Variants in SLC25A48 observed in about 807,000 individuals in gnomAD.
SLC25A48 encodes the protein solute carrier family 25 member 48.
SLC25A48 carries 29 observed loss-of-function variants against 32.2 expected under a neutral mutation model. That is an observed-to-expected ratio of 0.90 (90% confidence interval 0.67 to 1.23). The LOEUF is 1.23. SLC25A48 is among the 50% of genes most tolerant of loss of function. The pLI, the probability that SLC25A48 is intolerant of heterozygous loss-of-function variation, is 0.00. For missense variants in SLC25A48, 399 were observed against 422.7 expected (o/e 0.94, Z 0.49); for synonymous variants, 164 against 172.3 (o/e 0.95, Z 0.38).
chr5:135,679,011 C>A (rs941064125), intron 3 of SLC25A48, among the ~76,000 whole-genome samples: 1 of 152,168 alleles, frequency 6.6e-6, no homozygotes, highest in Non-Finnish European at 1.5e-5. Flanking sequence ...GTTCTTAGGT[C>A]TGCAGGCAGC....
chr5:135,596,896 A>G (rs1383919934), intron 1 of SLC25A48, among the ~76,000 whole-genome samples: 1 of 152,168 alleles, frequency 6.6e-6, no homozygotes, highest in Admixed American at 6.5e-5. Context: ...TTGGGGGTGC[A>G]CTTGGCAGAG....
rs559327907 is a variant in SLC25A48 at position 135,856,979 on chromosome 5, G to T, written c.421+4158G>T. 6.6e-5 allele frequency among the ~76,000 whole-genome samples: 10 copies of T among 152,330 alleles called. No homozygotes were observed. The East Asian group carries it at 1.2e-3, about 18-fold the overall frequency. ...GGCTCAGCAATGAGGCTTTTTGGCT[G>T]CTGGAAGCAGCCCCGCCTCCTTTAC... On this transcript the variant is annotated intron_variant, in intron 4 of 7. Transcript: ENST00000681962.
chr5:135,590,057 T>G (rs13358412), intron 1 of SLC25A48, among the ~76,000 whole-genome samples: 1,575 of 152,352 alleles, frequency 0.01, 28 homozygotes, highest in African/African-American at 0.036. Flanking sequence ...TTTGCTTTTT[T>G]GTTTTTTTTG....
At chr5:135,582,023 G>T (rs1439456616) in intron 1 of SLC25A48, among the ~76,000 whole-genome samples, 1 of 152,204 alleles carries the variant, frequency 6.6e-6, no homozygotes, top group East Asian at 1.9e-4. Flanking sequence ...GTACAGTGAA[G>T]GACAGCACAC....
intron 1 of SLC25A48, among the ~76,000 whole-genome samples, chr5:135,614,491 C>T (rs1752143182): frequency 6.6e-6 from 1 of 152,102 alleles, no homozygotes; most frequent in African/African-American, 2.4e-5. Context: ...TTGTCCTTCC[C>T]CCAATTCAGT....
chr5:135,682,768 C>T (rs1266884384), intron 3 of SLC25A48, among the ~76,000 whole-genome samples: 2 of 152,142 alleles, frequency 1.3e-5, no homozygotes, highest in South Asian at 2.1e-4. Context: ...AATATTCTTT[C>T]TAAAAATGAA....
chr5:135,638,080 G>A (rs1752747429), intron 3 of SLC25A48, among the ~76,000 whole-genome samples: 1 of 152,228 alleles, frequency 6.6e-6, no homozygotes, highest in Admixed American at 6.5e-5. Context: ...ATCTATGCAT[G>A]TGAAGACCTG....
intron 3 of SLC25A48, among the ~76,000 whole-genome samples, chr5:135,669,215 G>C (rs1320200639): frequency 1.3e-5 from 2 of 152,122 alleles, no homozygotes; most frequent in African/African-American, 4.8e-5. Context: ...TCTAAATCCA[G>C]ACCTGTCTTC....
At chr5:135,747,407 C>T (rs1362916493) in intron 3 of SLC25A48, among the ~76,000 whole-genome samples, 2 of 149,086 alleles carry the variant, frequency 1.3e-5, no homozygotes, top group East Asian at 4.0e-4. Flanking sequence ...GTCAATTTTT[C>T]CCCCCAAGTG....
At chr5:135,588,868 G>A (rs1428374831) in intron 1 of SLC25A48, among the ~76,000 whole-genome samples, 1 of 152,112 alleles carries the variant, frequency 6.6e-6, no homozygotes, top group East Asian at 1.9e-4. Flanking sequence ...TAATTTGACT[G>A]GAAAATTGGA....
At chr5:135,862,438 C>T (rs1384908299) in intron 4 of SLC25A48, among the ~76,000 whole-genome samples, 1 of 152,226 alleles carries the variant, frequency 6.6e-6, no homozygotes, top group Non-Finnish European at 1.5e-5. Flanking sequence ...TGAGTGTTTA[C>T]ACCTGTTTGA....
chr5:135,618,182 T>G (rs1752233267), intron 1 of SLC25A48, among the ~76,000 whole-genome samples: 1 of 152,146 alleles, frequency 6.6e-6, no homozygotes, highest in South Asian at 2.1e-4. Context: ...CTTTGTCTAT[T>G]TTTACTGTTT....
chr5:135,850,488 A>G lies in SLC25A48; in HGVS notation c.154A>G (p.Arg52Gly), dbSNP rs1404585968. The G allele has an allele frequency of 6.2e-7, 1 of 1,613,912 alleles. No homozygotes were observed. The highest frequency in any genetic ancestry group is 1.3e-5 in the African/African-American group (1 of 74,910). The change falls in exon 3 of 8, where the codon AGG (arginine) becomes GGG (glycine). Residue 52 changes from arginine (R) to glycine (G), a missense_variant. Physicochemically the swap from Arg to Gly is moderately radical, Grantham distance 125. Transcript: ENST00000681962. ...TLSCIRVVYR[R>G]ESMFGFFKGM... ...CAGCTGCATCCGCGTGGTGTACAGG[A>G]GGGAGAGTGTAAGTGCCCCTTGGGC...
intron 3 of SLC25A48, among the ~76,000 whole-genome samples, chr5:135,698,390 G>A (rs1754316087): frequency 6.6e-6 from 1 of 152,104 alleles, no homozygotes; most frequent in African/African-American, 2.4e-5. Context: ...GCAGAACTAT[G>A]TGGCTGGGTC....
At chr5:135,825,708 G>A in intron 4 of SLC25A48, 1 of 152,754 alleles carries the variant, frequency 6.5e-6, no homozygotes, top group Non-Finnish European at 1.5e-5. Flanking sequence ...TCACTGGCCT[G>A]CTGCCCCGTC....
At chr5:135,804,025 T>C (rs2126645238) in intron 3 of SLC25A48, among the ~76,000 whole-genome samples, 2 of 151,700 alleles carry the variant, frequency 1.3e-5, no homozygotes, top group South Asian at 4.2e-4. Flanking sequence ...ACATTTTCTG[T>C]GATATTAGGA....
At chr5:135,647,297 C>T (rs578018318) in intron 3 of SLC25A48, among the ~76,000 whole-genome samples, 34 of 152,156 alleles carry the variant, frequency 2.2e-4, no homozygotes, top group African/African-American at 8.2e-4. Context: ...TGTTCTGTTC[C>T]TTGATCCAAT....
At chr5:135,710,889 T>TTC (rs397753469) in intron 3 of SLC25A48, among the ~76,000 whole-genome samples, 114 of 152,016 alleles carry the variant, frequency 7.5e-4, no homozygotes, top group African/African-American at 2.7e-3. Context: ...AGTATTTTTT[T>TTC]CTGCATAAAG....
At chr5:135,639,346 A>G (rs1752780554) in intron 3 of SLC25A48, among the ~76,000 whole-genome samples, 1 of 152,210 alleles carries the variant, frequency 6.6e-6, no homozygotes, top group Admixed American at 6.5e-5. Context: ...ATATTCCACA[A>G]ACACCCATCA....
Sources: allele counts gnomAD v4.1 joint callset (sites outside exome capture counted in the v4.1 genomes callset), GRCh38; gene constraint gnomAD v4.1.1; transcripts MANE v1.5; gene names NCBI Gene and HGNC (gene_info 2026-07-23, HGNC 2026-07-21).